Variants in ANO3 observed in about 807,000 individuals in gnomAD.
ANO3 encodes the protein anoctamin-3.
A neutral mutation model predicts 144.8 loss-of-function variants in ANO3; 99 were observed. The ratio of observed to expected loss-of-function variants is 0.68; its 90% CI spans 0.58 to 0.81. The LOEUF is 0.81. Ranked by LOEUF, ANO3 falls within the 30% of genes least tolerant of loss-of-function variation. The probability of loss-of-function intolerance (pLI) is 0.00; values close to 1 mark genes in which losing one functional copy is unlikely to be tolerated. For missense variants in ANO3, 905 were observed against 1,202.2 expected (o/e 0.75, Z 3.66); for synonymous variants, 414 against 392.6 (o/e 1.05, Z -0.64).
chr11:26,461,395 G>A (rs1013838828), intron 3 of ANO3, among the ~76,000 whole-genome samples: 1 of 151,768 alleles, frequency 6.6e-6, no homozygotes, highest in Non-Finnish European at 1.5e-5. Context: ...TTATATCTTT[G>A]TGCAAATATT....
At chr11:26,414,686 A>G (rs961876692) in intron 1 of ANO3, among the ~76,000 whole-genome samples, 1 of 151,070 alleles carries the variant, frequency 6.6e-6, no homozygotes, top group African/African-American at 2.4e-5. Context: ...GCAGCCAGCC[A>G]CCATGGTACA....
At chr11:26,262,719 A>AACACACACACACACACAC (rs144643690) in intron 1 of ANO3, among the ~76,000 whole-genome samples, 33 of 149,200 alleles carry the variant, frequency 2.2e-4, no homozygotes, top group East Asian at 2.2e-3. Flanking sequence ...CCTTATAGTA[A>AACACACACACACACACAC]ACACACACAC....
intron 7 of ANO3, among the ~76,000 whole-genome samples, chr11:26,529,474 A>G (rs1460723925): frequency 1.7e-5 from 2 of 115,566 alleles, no homozygotes; most frequent in Non-Finnish European, 3.4e-5. Flanking sequence ...TATAATAATC[A>G]TATATTACCA....
At chr11:26,333,653 G>A (rs1855120201) in intron 1 of ANO3, among the ~76,000 whole-genome samples, 2 of 152,088 alleles carry the variant, frequency 1.3e-5, no homozygotes, top group East Asian at 1.9e-4. Flanking sequence ...GGATTCCTGC[G>A]TAAGACAGAA....
intron 1 of ANO3, among the ~76,000 whole-genome samples, chr11:26,278,078 G>C (rs1351735595): frequency 6.6e-6 from 1 of 152,054 alleles, no homozygotes; most frequent in Non-Finnish European, 1.5e-5. Context: ...TATCAGTCTA[G>C]TAACGACCCC....
At chr11:26,457,835 A>C (rs7950245) in intron 3 of ANO3, among the ~76,000 whole-genome samples, 1 of 150,230 alleles carries the variant, frequency 6.7e-6, no homozygotes, top group Non-Finnish European at 1.5e-5. Flanking sequence ...CAAGAGTTCT[A>C]TTTGTCATAA....
At chr11:26,451,962 T>C (rs988395919) in intron 3 of ANO3, among the ~76,000 whole-genome samples, 6 of 152,140 alleles carry the variant, frequency 3.9e-5, no homozygotes, top group African/African-American at 1.4e-4. Flanking sequence ...CCGCTGCTGA[T>C]ACCCAGGCAA....
At chr11:26,617,896 A>C (rs1852306426) in intron 17 of ANO3, among the ~76,000 whole-genome samples, 1 of 152,230 alleles carries the variant, frequency 6.6e-6, no homozygotes, top group Non-Finnish European at 1.5e-5. Flanking sequence ...GATCACCTGA[A>C]TATACAGGAT....
chr11:26,339,913 A>T (rs1903455), intron 1 of ANO3, among the ~76,000 whole-genome samples: 29,562 of 152,130 alleles, frequency 0.19, 3,030 homozygotes, highest in South Asian at 0.32. Context: ...TCAGTGCAAC[A>T]GCTATGTAGG....
intron 26 of ANO3, among the ~76,000 whole-genome samples, chr11:26,659,831 G>T (rs1166767090): frequency 6.6e-6 from 1 of 152,112 alleles, no homozygotes; most frequent in Non-Finnish European, 1.5e-5. Context: ...CTGAGTTTGA[G>T]TCTAATGCTA....
intron 1 of ANO3, among the ~76,000 whole-genome samples, chr11:26,297,334 A>G (rs182418398): frequency 1.1e-3 from 158 of 145,786 alleles, no homozygotes; most frequent in Non-Finnish European, 1.8e-3. Context: ...CAGTATCACA[A>G]ATAACCAGTG....
In ANO3 at chr11:26,508,423, T is replaced by C. The variant is rs191832866; in HGVS notation, c.591+161T>C. On this transcript the variant is annotated intron_variant, in intron 5 of 26. Coordinates refer to ENST00000256737, the MANE Select transcript of ANO3 (RefSeq NM_031418.4). ...TACATGCACATAGCCCTATTAAATA[T>C]GTATTCACTTTTTAATCTATATAAT... 1.5e-3 allele frequency: 823 copies of C among 551,410 alleles called. 13 individuals are homozygous for C. Among genetic ancestry groups the C allele is most frequent in the Admixed American group, 0.012 (290 of 24,048 alleles). 34.2% of individuals were successfully genotyped at this position (551,410 alleles called of 1,614,324 possible).
At chr11:26,282,201 A>G (rs535847443) in intron 1 of ANO3, among the ~76,000 whole-genome samples, 2 of 152,322 alleles carry the variant, frequency 1.3e-5, no homozygotes, top group African/African-American at 4.8e-5. Context: ...GATGCTGTTC[A>G]TATCATGGAG....
intron 4 of ANO3, among the ~76,000 whole-genome samples, chr11:26,501,337 C>T (rs190543268): frequency 2.0e-5 from 3 of 152,218 alleles, no homozygotes. Flanking sequence ...CTCAGCTGTG[C>T]CTATTATTCT....
intron 1 of ANO3, among the ~76,000 whole-genome samples, chr11:26,231,185 C>T (rs1852390660): frequency 6.6e-6 from 1 of 152,098 alleles, no homozygotes; most frequent in East Asian, 1.9e-4. Flanking sequence ...CCTGAAGTTT[C>T]CTTTTTGTAT....
intron 1 of ANO3, among the ~76,000 whole-genome samples, chr11:26,373,508 A>G (rs1856319896): frequency 6.6e-6 from 1 of 152,176 alleles, no homozygotes; most frequent in Non-Finnish European, 1.5e-5. Context: ...TTTTCTTTAT[A>G]AATTACCCCG....
intron 1 of ANO3, among the ~76,000 whole-genome samples, chr11:26,375,841 A>G (rs146033049): frequency 2.1e-3 from 316 of 152,262 alleles, no homozygotes; most frequent in African/African-American, 7.2e-3. Flanking sequence ...ATGAAAAGAA[A>G]CAAGCAGCAG....
intron 1 of ANO3, among the ~76,000 whole-genome samples, chr11:26,401,514 T>C (rs1857146525): frequency 6.6e-6 from 1 of 152,030 alleles, no homozygotes. Flanking sequence ...AGCGAGAAGT[T>C]GGACATTGTG....
chr11:26,566,553 C>T (rs1490713708), intron 14 of ANO3, among the ~76,000 whole-genome samples: 1 of 151,850 alleles, frequency 6.6e-6, no homozygotes, highest in Non-Finnish European at 1.5e-5. Flanking sequence ...CTTCTTGCTA[C>T]TTAATCCCAA....
Sources: allele counts gnomAD v4.1 joint callset (sites outside exome capture counted in the v4.1 genomes callset), GRCh38; gene constraint gnomAD v4.1.1; transcripts MANE v1.5; gene names NCBI Gene and HGNC (gene_info 2026-07-23, HGNC 2026-07-21).